Variants in GPD1L observed in about 807,000 individuals in gnomAD.
GPD1L encodes the protein glycerol-3-phosphate dehydrogenase 1 like.
GPD1L carries 17 observed loss-of-function variants against 32.9 expected under a neutral mutation model. The observed-to-expected ratio is 0.52, with a 90% CI of 0.35 to 0.78. The LOEUF (loss-of-function observed/expected upper bound fraction) is 0.78. Among genes scored for constraint, GPD1L ranks in the 30% least tolerant of loss-of-function variants. GPD1L has a pLI of 0.01. For synonymous variants in GPD1L, 187 were observed against 165.9 expected (o/e 1.13, Z -0.98); for missense variants, 361 against 447.8 (o/e 0.81, Z 1.75).
At chr3:32,152,184 A>G (rs1269163249) in intron 5 of GPD1L, among the ~76,000 whole-genome samples, 1 of 152,152 alleles carries the variant, frequency 6.6e-6, no homozygotes, top group African/African-American at 2.4e-5. Context: ...CAGATTTTGG[A>G]GCATTTTGGA....
intron 5 of GPD1L, among the ~76,000 whole-genome samples, chr3:32,157,980 T>C (rs924610242): frequency 6.6e-6 from 1 of 152,176 alleles, no homozygotes; most frequent in African/African-American, 2.4e-5. Context: ...AGGCTGGAAT[T>C]TGAGCTGCAC....
intron 5 of GPD1L, among the ~76,000 whole-genome samples, chr3:32,152,573 CCACTCCCGGAGT>C (rs959559082): frequency 2.0e-5 from 3 of 152,128 alleles, no homozygotes; most frequent in African/African-American, 7.2e-5. Context: ...AAACAGAGAG[CCACTCCCGGAGT>C]CTTTTTTCTA....
At chr3:32,140,486 T>G (rs981772677) in intron 4 of GPD1L, 120 bp downstream of exon 4, 1 of 1,212,252 alleles carries the variant, frequency 8.2e-7, no homozygotes, top group African/African-American at 1.5e-5. Context: ...CATTCCTTAG[T>G]TGGGCATTCA....
chr3:32,123,104 T>C (rs1213250679), intron 1 of GPD1L, among the ~76,000 whole-genome samples: 1 of 152,060 alleles, frequency 6.6e-6, no homozygotes, highest in Non-Finnish European at 1.5e-5. Context: ...GATCTCAGTA[T>C]GTTGCCCAAG....
intron 2 of GPD1L, among the ~76,000 whole-genome samples, chr3:32,136,645 A>G (rs1700664296): frequency 6.6e-6 from 1 of 152,228 alleles, no homozygotes; most frequent in Non-Finnish European, 1.5e-5. Context: ...AGTCAAGGTA[A>G]TAGGCTAAGA....
At chr3:32,121,280 A>G (rs1700407450) in intron 1 of GPD1L, among the ~76,000 whole-genome samples, 1 of 147,492 alleles carries the variant, frequency 6.8e-6, no homozygotes, top group Non-Finnish European at 1.5e-5. Flanking sequence ...TCCTCTCTGG[A>G]TGTGTTGGTT....
intron 3 of GPD1L, among the ~76,000 whole-genome samples, chr3:32,139,094 G>C (rs957192379): frequency 1.3e-5 from 2 of 152,112 alleles, no homozygotes; most frequent in African/African-American, 4.8e-5. Context: ...TTTTTAACCA[G>C]AACTCCATGA....
intron 1 of GPD1L, among the ~76,000 whole-genome samples, chr3:32,125,964 A>G (rs1420464315): frequency 1.3e-5 from 2 of 152,184 alleles, no homozygotes; most frequent in Non-Finnish European, 2.9e-5. Flanking sequence ...TTTAAGCCCC[A>G]TTGAATCCCA....
At chr3:32,107,821 T>C (rs1227887978) in intron 1 of GPD1L, among the ~76,000 whole-genome samples, 2 of 152,246 alleles carry the variant, frequency 1.3e-5, no homozygotes, top group Non-Finnish European at 2.9e-5. Flanking sequence ...TGTGTCCCTA[T>C]TGCTGGCCTG....
At chr3:32,134,680 G>A (rs1318158730) in intron 2 of GPD1L, among the ~76,000 whole-genome samples, 3 of 152,052 alleles carry the variant, frequency 2.0e-5, no homozygotes, top group African/African-American at 4.8e-5. Flanking sequence ...TAAAGATGAA[G>A]TCGCACTGTG....
chr3:32,124,684 G>A (rs1700479436), intron 1 of GPD1L, among the ~76,000 whole-genome samples: 1 of 152,206 alleles, frequency 6.6e-6, no homozygotes, highest in Admixed American at 6.5e-5. Flanking sequence ...CTAACACCTT[G>A]GGAGGCCAAG....
intron 1 of GPD1L, among the ~76,000 whole-genome samples, chr3:32,114,891 C>G (rs1700303986): frequency 6.6e-6 from 1 of 151,966 alleles, no homozygotes; most frequent in South Asian, 2.1e-4. Context: ...GTTTGTTCCT[C>G]CAGGTGGGTT....
At chr3:32,145,712 A>G (rs1421389869) in intron 4 of GPD1L, among the ~76,000 whole-genome samples, 3 of 152,240 alleles carry the variant, frequency 2.0e-5, no homozygotes, top group African/African-American at 7.2e-5. Context: ...ATGATGCAAC[A>G]GTGTTGCACA....
In GPD1L at chr3:32,132,924, C is replaced by T. The variant is rs1312363755; in HGVS notation, c.225+4671C>T. 6.6e-5 allele frequency among the ~76,000 whole-genome samples: 10 copies of T among 152,274 alleles called. No individual in the cohort carries two copies. The East Asian group carries it at 1.9e-3, about 29-fold the overall frequency. ...CAGATAAGGTCCTCTGTCTGAGGGT[C>T]ATGTTTCTGCATGTAGAGCCAAGTA... On this transcript the variant is annotated intron_variant, in intron 2 of 7. Coordinates refer to ENST00000282541, the MANE Select transcript of GPD1L (RefSeq NM_015141.4).
chr3:32,110,649 T>C (rs1455277220), intron 1 of GPD1L, among the ~76,000 whole-genome samples: 2 of 152,180 alleles, frequency 1.3e-5, no homozygotes, highest in Non-Finnish European at 2.9e-5. Flanking sequence ...TGTCCTGTCC[T>C]TTGGTGAAGC....
chr3:32,106,637 C>A lies in GPD1L; in HGVS notation c.-75C>A, dbSNP rs1360782391. On this transcript the variant is annotated 5_prime_UTR_variant, in exon 1 of 8. Coordinates refer to ENST00000282541, the MANE Select transcript of GPD1L (RefSeq NM_015141.4). The surrounding 1 kb of genome is among the most constrained non-coding windows in gnomAD (Gnocchi z 4.0). ...GGGGCGGGGCCGCCGCCAGCCGCTGCGGGCAAGGCTGAACAGGCGGAGGTG... is the reference window on the plus strand; with the variant it reads ...GGGGCGGGGCCGCCGCCAGCCGCTGAGGGCAAGGCTGAACAGGCGGAGGTG... 4 of 1,356,046 alleles carry A rather than the reference C, an allele frequency of 2.9e-6. No homozygotes were observed. The highest frequency in any genetic ancestry group is 1.8e-5 in the South Asian group (1 of 55,652). 84.0% of individuals were successfully genotyped at this position (1,356,046 alleles called of 1,614,324 possible).
chr3:32,142,129 T>C (rs1475190241), intron 4 of GPD1L, among the ~76,000 whole-genome samples: 1 of 152,122 alleles, frequency 6.6e-6, no homozygotes, highest in Non-Finnish European at 1.5e-5. Flanking sequence ...ATTTTCTTTT[T>C]TTTTTTTTGA....
Position 32,106,684 on chromosome 3 carries a change from G to C in GPD1L, c.-28G>C, listed in dbSNP as rs371783162. 1 of 1,518,942 alleles carries C rather than the reference G, an allele frequency of 6.6e-7. No individual in the cohort carries two copies. Among genetic ancestry groups the C allele is most frequent in the South Asian group, 1.3e-5 (1 of 79,068 alleles). 94.1% of individuals were successfully genotyped at this position (1,518,942 alleles called of 1,614,324 possible). On this transcript the variant is annotated 5_prime_UTR_variant, in exon 1 of 8. Transcript: ENST00000282541. This position sits in a 1 kb window ranked among gnomAD's most constrained non-coding sequence, Gnocchi z 4.0. ...GGTGGGCAGCCGGCCAGGGAAGCAC[G>C]GTCCAGGCGGCTACATTCGGCCCGG...
intron 4 of GPD1L, among the ~76,000 whole-genome samples, chr3:32,144,822 A>AAC (rs60130762): frequency 0.18 from 25,144 of 141,934 alleles, 2,248 homozygotes; most frequent in East Asian, 0.41. Context: ...AGTAGCTGGG[A>AAC]ACACACACAC....
Sources: allele counts gnomAD v4.1 joint callset (sites outside exome capture counted in the v4.1 genomes callset), GRCh38; gene constraint gnomAD v4.1.1; non-coding constraint Gnocchi (gnomAD v3.1); transcripts MANE v1.5; gene names NCBI Gene and HGNC (gene_info 2026-07-23, HGNC 2026-07-21).